Variants in CHKA observed in about 807,000 individuals in gnomAD.
The protein encoded by CHKA is choline kinase alpha.
In CHKA, 34 loss-of-function variants were observed where a neutral mutation model predicts 60.1. That is an observed-to-expected ratio of 0.57 (90% confidence interval 0.43 to 0.75). The LOEUF (loss-of-function observed/expected upper bound fraction) is 0.75, where lower values mean the gene tolerates loss of function less well. CHKA is among the 30% of genes least tolerant of loss of function. The pLI is 0.00. For missense variants in CHKA, 563 were observed against 561.3 expected (o/e 1.00, Z -0.03); for synonymous variants, 217 against 223.1 (o/e 0.97, Z 0.24).
chr11:68,107,980 C>T (rs1168243138), intron 1 of CHKA, among the ~76,000 whole-genome samples: 1 of 152,134 alleles, frequency 6.6e-6, no homozygotes, highest in Non-Finnish European at 1.5e-5. Context: ...TTGTGCCCCA[C>T]CACGCAGCAG....
intron 1 of CHKA, among the ~76,000 whole-genome samples, chr11:68,109,407 G>A (rs535918509): frequency 7.9e-5 from 12 of 152,090 alleles, no homozygotes; most frequent in South Asian, 2.1e-4. Flanking sequence ...TTTTAAATAC[G>A]ACAGAACATT....
chr11:68,108,949 T>C (rs1405424735), intron 1 of CHKA, among the ~76,000 whole-genome samples: 1 of 152,098 alleles, frequency 6.6e-6, no homozygotes, highest in Non-Finnish European at 1.5e-5. Flanking sequence ...ACCCAATTAC[T>C]GGGGAGCCCC....
intron 3 of CHKA, among the ~76,000 whole-genome samples, chr11:68,078,159 AAAAC>A (rs899866858): frequency 1.3e-5 from 2 of 152,172 alleles, no homozygotes; most frequent in Non-Finnish European, 1.5e-5. Flanking sequence ...ATACACCCCC[AAAAC>A]AAACACTATC....
intron 1 of CHKA, among the ~76,000 whole-genome samples, chr11:68,117,400 T>C (rs1283104024): frequency 6.6e-6 from 1 of 152,164 alleles, no homozygotes; most frequent in Non-Finnish European, 1.5e-5. Flanking sequence ...TCTAAAAAGT[T>C]AGGCCGGGCA....
chr11:68,091,510 C>T (rs1226022060), intron 2 of CHKA, among the ~76,000 whole-genome samples: 1 of 152,162 alleles, frequency 6.6e-6, no homozygotes, highest in Non-Finnish European at 1.5e-5. Flanking sequence ...AAAACTAACA[C>T]AAATACTAAA....
chr11:68,076,468 C>T (rs913189779), intron 3 of CHKA, among the ~76,000 whole-genome samples: 1 of 152,140 alleles, frequency 6.6e-6, no homozygotes, highest in African/African-American at 2.4e-5. Context: ...GGCATTTAAG[C>T]AAGGGTCTGC....
At chr11:68,095,964 C>A (rs191074927) in intron 2 of CHKA, among the ~76,000 whole-genome samples, 3 of 151,668 alleles carry the variant, frequency 2.0e-5, no homozygotes, top group African/African-American at 7.3e-5. Context: ...GGCTTGAACC[C>A]GGGAGGCAGA....
chr11:68,066,727 T>A (rs1333474281), intron 7 of CHKA, among the ~76,000 whole-genome samples: 3 of 152,208 alleles, frequency 2.0e-5, no homozygotes, highest in Non-Finnish European at 4.4e-5. Flanking sequence ...CACCTGGCCA[T>A]GAGAACCCCT....
chr11:68,087,299 G>C (rs1857211145), intron 2 of CHKA, among the ~76,000 whole-genome samples: 1 of 152,094 alleles, frequency 6.6e-6, no homozygotes, highest in African/African-American at 2.4e-5. Context: ...GGCCAACATG[G>C]TGAAACCCAA....
intron 1 of CHKA, 110 bp downstream of exon 1, chr11:68,120,718 G>C: frequency 5.0e-6 from 1 of 199,932 alleles, no homozygotes; most frequent in Non-Finnish European, 9.6e-6. Context: ...CCCGGCCCCG[G>C]CTCCCCCGGC....
intron 1 of CHKA, among the ~76,000 whole-genome samples, chr11:68,116,726 A>T (rs978366321): frequency 1.3e-5 from 2 of 152,084 alleles, no homozygotes; most frequent in African/African-American, 2.4e-5. Flanking sequence ...AAAAAAAAAA[A>T]AGAAAGAAAG....
chr11:68,074,965 C>T lies in CHKA; in HGVS notation c.517-135G>A, dbSNP rs149353190. 1,527 of 730,514 alleles carry T rather than the reference C, an allele frequency of 2.1e-3. 10 individuals are homozygous for T. Among genetic ancestry groups the T allele is most frequent in the African/African-American group, 0.02 (1,118 of 56,768 alleles). The allele number at this position is 730,514 out of a possible 1,614,324, so 45.3% of individuals were successfully genotyped here. ...CGTGGGCACTACTGTTATCATCATC[C>T]CCATTTTAAATATGAAGAAACAGAG... On this transcript the variant is annotated intron_variant, in intron 3 of 11. Coordinates refer to ENST00000265689, the MANE Select transcript of CHKA (RefSeq NM_001277.3).
chr11:68,097,186 T>C, intron 1 of CHKA, 56 bp from the exon 2 acceptor site: 1 of 1,331,792 alleles, frequency 7.5e-7, no homozygotes, highest in Non-Finnish European at 1.1e-6. Context: ...TAAATCACTC[T>C]TCTTGGATAA....
In CHKA at chr11:68,120,951, T is replaced by G. The variant is rs749538147; in HGVS notation, c.227A>C (p.Gln76Pro). The G allele has an allele frequency of 4.3e-6, 5 of 1,172,286 alleles. No homozygotes were observed. In the East Asian group the frequency reaches 1.3e-4, roughly 30 times the overall value. 72.6% of individuals were successfully genotyped at this position (1,172,286 alleles called of 1,614,324 possible). ...CTCCGGCTGCTCGTCTGCGGGCGGC[T>G]GCGGCGGCGGGGGCTGGGGCAGCGG... ...PLPLPQPPPPQPPADEQPEPR... is the reference protein window; with the variant it reads ...PLPLPQPPPPPPPADEQPEPR... Residue 76 changes from glutamine to proline, a missense_variant, in exon 1 of 12, where the codon CAG (glutamine) becomes CCG (proline). Physicochemically the swap from Gln to Pro is moderately conservative, Grantham distance 76. Transcript: ENST00000265689.
intron 2 of CHKA, among the ~76,000 whole-genome samples, chr11:68,089,346 C>A (rs1348867061): frequency 2.0e-5 from 3 of 152,190 alleles, no homozygotes; most frequent in Non-Finnish European, 4.4e-5. Context: ...TACATCAAGT[C>A]AGCACTGCAG....
chr11:68,084,427 C>CAT (rs34157126), intron 2 of CHKA, among the ~76,000 whole-genome samples: 1 of 128,578 alleles, frequency 7.8e-6, no homozygotes, highest in African/African-American at 2.9e-5. Context: ...TATATATACA[C>CAT]ATATATATAC....
chr11:68,062,915 C>T (rs1308313265), intron 10 of CHKA, among the ~76,000 whole-genome samples: 5 of 152,014 alleles, frequency 3.3e-5, no homozygotes, highest in Non-Finnish European at 2.9e-5. Context: ...GTGCTAAGTG[C>T]GTGGAAAGAT....
intron 2 of CHKA, among the ~76,000 whole-genome samples, chr11:68,093,192 G>C (rs1377372316): frequency 6.6e-6 from 1 of 152,008 alleles, no homozygotes; most frequent in Non-Finnish European, 1.5e-5. Context: ...TAGAGATAGG[G>C]TTTGGCCATG....
At chr11:68,078,034 C>T (rs1360824387) in intron 3 of CHKA, among the ~76,000 whole-genome samples, 1 of 152,132 alleles carries the variant, frequency 6.6e-6, no homozygotes, top group Non-Finnish European at 1.5e-5. Context: ...TTACAGCTCA[C>T]AAACTGGGTT....
Sources: gnomAD v4.1 joint callset for allele counts (sites outside exome capture counted in the v4.1 genomes callset) on GRCh38, gnomAD v4.1.1 for gene constraint, MANE v1.5 for transcripts, NCBI Gene and HGNC (gene_info 2026-07-23, HGNC 2026-07-21) for gene names.